AATF: variants seen among roughly 807,000 people sequenced by gnomAD.
The protein encoded by AATF is apoptosis antagonizing transcription factor.
AATF carries 48 observed loss-of-function variants against 63.7 expected under a neutral mutation model. That is an observed-to-expected ratio of 0.75 (90% confidence interval 0.60 to 0.96). AATF has a LOEUF of 0.96. Ranked by LOEUF, AATF falls within the 40% of genes least tolerant of loss-of-function variation. The pLI is 0.00. For synonymous variants in AATF, 258 were observed against 247.7 expected (o/e 1.04, Z -0.39); for missense variants, 639 against 685.7 (o/e 0.93, Z 0.76).
intron 11 of AATF, among the ~76,000 whole-genome samples, chr17:37,042,236 T>C (rs2071646514): frequency 6.6e-6 from 1 of 152,090 alleles, no homozygotes; most frequent in Admixed American, 6.5e-5. Flanking sequence ...TTTCATTGTT[T>C]TATGATTAGG....
chr17:36,950,807 G>A (rs1236070899), intron 2 of AATF, among the ~76,000 whole-genome samples: 4 of 152,190 alleles, frequency 2.6e-5, no homozygotes, highest in Non-Finnish European at 5.9e-5. Flanking sequence ...CTAAAGCCCA[G>A]AGTGATTAAG....
chr17:37,052,039 A>G (rs1208122144), intron 11 of AATF, among the ~76,000 whole-genome samples: 1 of 152,112 alleles, frequency 6.6e-6, no homozygotes, highest in Non-Finnish European at 1.5e-5. Flanking sequence ...ATTACTCCGC[A>G]GGCTGCTCCC....
chr17:37,021,989 A>T (rs2071475386), intron 10 of AATF, among the ~76,000 whole-genome samples: 1 of 152,142 alleles, frequency 6.6e-6, no homozygotes, highest in South Asian at 2.1e-4. Context: ...GAGAAAATAG[A>T]GCAATTTCTG....
chr17:37,051,729 C>T (rs1310963734), intron 11 of AATF, among the ~76,000 whole-genome samples: 3 of 151,616 alleles, frequency 2.0e-5, no homozygotes, highest in Admixed American at 1.3e-4. Context: ...CACACACACA[C>T]GCACATTCTG....
At chr17:36,977,627 A>G (rs1210379947) in intron 4 of AATF, among the ~76,000 whole-genome samples, 2 of 152,156 alleles carry the variant, frequency 1.3e-5, no homozygotes, top group African/African-American at 4.8e-5. Flanking sequence ...TTGTAAAAGT[A>G]ATATATGCTT....
chr17:36,982,115 G>A (rs1260734312), intron 4 of AATF, among the ~76,000 whole-genome samples: 1 of 151,664 alleles, frequency 6.6e-6, no homozygotes, highest in African/African-American at 2.4e-5. Flanking sequence ...TTTCTAACTG[G>A]CTTATTTTAC....
rs372898811 is a variant in AATF at position 36,953,190 on chromosome 17, C to T, written c.588C>T (p.Asp196=). 8 of 1,613,998 alleles carry T rather than the reference C, an allele frequency of 5.0e-6. No individual in the cohort carries two copies. Among genetic ancestry groups the T allele is most frequent in the Non-Finnish European group, 6.8e-6 (8 of 1,180,038 alleles). The change falls in exon 3 of 12, where the codon GAC becomes GAT. Residue 196 remains aspartate (D), a synonymous_variant. Transcript: ENST00000619387. ...AEDSQGESEE[D]RAGDRNSEDD... Reference sequence around the variant, plus strand: ...ACTCCCAAGGCGAGAGTGAGGAAGACAGGGCTGGAGATAGAAACAGTGAGG... The same window carrying T: ...ACTCCCAAGGCGAGAGTGAGGAAGATAGGGCTGGAGATAGAAACAGTGAGG...
intron 4 of AATF, among the ~76,000 whole-genome samples, chr17:36,984,394 G>T (rs572167855): frequency 9.2e-5 from 14 of 152,324 alleles, no homozygotes; most frequent in South Asian, 4.1e-4. Flanking sequence ...GGTTCAGACA[G>T]GGAGAGGTAT....
chr17:37,013,590 T>C (rs950672505), intron 8 of AATF, among the ~76,000 whole-genome samples: 1 of 150,138 alleles, frequency 6.7e-6, no homozygotes, highest in Non-Finnish European at 1.5e-5. Context: ...TGGGCTCTAA[T>C]AGAGCGGGAA....
intron 8 of AATF, among the ~76,000 whole-genome samples, chr17:37,005,851 G>A (rs2142269459): frequency 6.6e-6 from 1 of 152,256 alleles, no homozygotes. Context: ...TGGCTTGCTG[G>A]GTACAGTGGC....
At chr17:36,995,710 G>T (rs2071249632) in intron 8 of AATF, among the ~76,000 whole-genome samples, 1 of 151,936 alleles carries the variant, frequency 6.6e-6, no homozygotes, top group Non-Finnish European at 1.5e-5. Flanking sequence ...TGGGACTATA[G>T]ACAGGTACCA....
chr17:37,003,117 A>G (rs1218262322), intron 8 of AATF, among the ~76,000 whole-genome samples: 1 of 152,234 alleles, frequency 6.6e-6, no homozygotes, highest in Non-Finnish European at 1.5e-5. Context: ...TCAATGGAAT[A>G]TAATTGAGAG....
chr17:37,022,917 G>A (rs1227733135), intron 10 of AATF, among the ~76,000 whole-genome samples: 2 of 151,986 alleles, frequency 1.3e-5, no homozygotes, highest in Admixed American at 6.6e-5. Context: ...CGTCTCTTCC[G>A]TACCTGTCTC....
intron 8 of AATF, 58 bp downstream of exon 8, chr17:36,990,915 T>C (rs1466089018): frequency 1.6e-6 from 2 of 1,275,612 alleles, no homozygotes; most frequent in African/African-American, 3.1e-5. Context: ...AAGCAGCTTA[T>C]AGAATTCTCT....
chr17:36,992,309 T>C (rs1056081378), intron 8 of AATF, among the ~76,000 whole-genome samples: 1 of 152,032 alleles, frequency 6.6e-6, no homozygotes, highest in Non-Finnish European at 1.5e-5. Context: ...GAAAAAAAGA[T>C]TGGTGTGGCT....
intron 4 of AATF, among the ~76,000 whole-genome samples, chr17:36,970,780 C>T (rs1321964950): frequency 2.0e-5 from 3 of 151,746 alleles, no homozygotes; most frequent in Non-Finnish European, 4.4e-5. Flanking sequence ...GCCCTCCTGC[C>T]TCGGCCTCCC....
At chr17:37,037,929 T>A (rs545802418) in intron 11 of AATF, among the ~76,000 whole-genome samples, 1 of 152,168 alleles carries the variant, frequency 6.6e-6, no homozygotes, top group African/African-American at 2.4e-5. Context: ...TCTCTCTTGC[T>A]CCTGCTGTGG....
At chr17:36,984,557 C>G (rs745727682) in intron 4 of AATF, among the ~76,000 whole-genome samples, 2 of 152,198 alleles carry the variant, frequency 1.3e-5, no homozygotes, top group Non-Finnish European at 2.9e-5. Context: ...TGGTGACTCT[C>G]AGTGTCTAGT....
chr17:37,009,823 C>CAAAAAAAAAAA (rs1160362372), intron 8 of AATF, among the ~76,000 whole-genome samples: 6 of 28,800 alleles, frequency 2.1e-4, no homozygotes, highest in African/African-American at 5.0e-4. Context: ...GACTCCGTCT[C>CAAAAAAAAAAA]AAAAAAAAAA....
Sources: gnomAD v4.1 joint callset for allele counts (sites outside exome capture counted in the v4.1 genomes callset) on GRCh38, gnomAD v4.1.1 for gene constraint, MANE v1.5 for transcripts, NCBI Gene and HGNC (gene_info 2026-07-23, HGNC 2026-07-21) for gene names.